ZDHHC20: variants seen among roughly 807,000 people sequenced by gnomAD.
The protein encoded by ZDHHC20 is zDHHC palmitoyltransferase 20, also known as palmitoyltransferase ZDHHC20.
ZDHHC20 carries 43 observed loss-of-function variants against 57.8 expected under a neutral mutation model. The observed-to-expected ratio is 0.74, with a 90% CI of 0.58 to 0.96. The LOEUF (loss-of-function observed/expected upper bound fraction) is 0.96, where lower values mean the gene tolerates loss of function less well. ZDHHC20 is among the 40% of genes least tolerant of loss of function. ZDHHC20 has a pLI of 0.00. For synonymous variants in ZDHHC20, 157 were observed against 153.0 expected, an observed-to-expected ratio of 1.03 and a Z score of -0.19; for missense variants, 391 against 441.1, an observed-to-expected ratio of 0.89 and a Z score of 1.02.
intron 3 of ZDHHC20, among the ~76,000 whole-genome samples, chr13:21,415,705 GTC>G (rs1879871615): frequency 6.6e-6 from 1 of 152,128 alleles, no homozygotes; most frequent in African/African-American, 2.4e-5. Context: ...GACATGATGT[GTC>G]TCTTACATAT....
chr13:21,450,460 T>C (rs1884336888), intron 1 of ZDHHC20, among the ~76,000 whole-genome samples: 1 of 152,198 alleles, frequency 6.6e-6, no homozygotes, highest in African/African-American at 2.4e-5. Flanking sequence ...AGATCTTTTT[T>C]TTCATTTGAT....
At chr13:21,456,506 A>G (rs924121021) in intron 1 of ZDHHC20, among the ~76,000 whole-genome samples, 5 of 152,250 alleles carry the variant, frequency 3.3e-5, no homozygotes, top group Non-Finnish European at 5.9e-5. Flanking sequence ...AAGTCCTCCT[A>G]TAAAGTAATA....
At chr13:21,457,251 C>T (rs1031028355) in intron 1 of ZDHHC20, among the ~76,000 whole-genome samples, 4 of 152,214 alleles carry the variant, frequency 2.6e-5, no homozygotes, top group African/African-American at 2.4e-5. Context: ...GGAATCTCAA[C>T]ATAAATGCAC....
intron 11 of ZDHHC20, among the ~76,000 whole-genome samples, chr13:21,380,131 C>T (rs549024063): frequency 7.5e-4 from 98 of 130,290 alleles, no homozygotes; most frequent in Non-Finnish European, 1.1e-3. Flanking sequence ...TCCTTTCTTC[C>T]CCGAGATGGA....
intron 1 of ZDHHC20, among the ~76,000 whole-genome samples, chr13:21,444,618 A>C (rs1305875008): frequency 6.6e-6 from 1 of 152,232 alleles, no homozygotes; most frequent in African/African-American, 2.4e-5. Flanking sequence ...ATAAGGATAC[A>C]TCTGAAATAG....
chr13:21,432,712 G>A (rs575353338), intron 1 of ZDHHC20, among the ~76,000 whole-genome samples: 19 of 152,076 alleles, frequency 1.2e-4, no homozygotes, highest in Admixed American at 8.5e-4. Flanking sequence ...CAACTGATCC[G>A]CCTACCATGG....
In ZDHHC20 at chr13:21,375,409, T is replaced by C. The variant is rs886448349; in HGVS notation, c.*1287A>G. On this transcript the variant is annotated 3_prime_UTR_variant, in exon 13 of 13. Coordinates refer to ENST00000400590, the MANE Select transcript of ZDHHC20 (RefSeq NM_001330059.2). ...GTAAATGAGGAGTGACATTTCTACA[T>C]TGTTTATTCTGTACTTTTCCTTGGA... is the stretch of plus-strand genomic sequence containing the variant. 3.2e-6 allele frequency: 1 copy of C among 308,264 alleles called. No individual in the cohort carries two copies. Among genetic ancestry groups the C allele is most frequent in the East Asian group, 1.1e-4 (1 of 9,172 alleles). 19.1% of individuals were successfully genotyped at this position (308,264 alleles called of 1,614,324 possible).
chr13:21,375,085 G>A lies in ZDHHC20; in HGVS notation c.*1611C>T. 4 of 454,996 alleles carry A rather than the reference G, an allele frequency of 8.8e-6. No homozygotes were observed. Among genetic ancestry groups the A allele is most frequent in the South Asian group, 6.2e-5 (4 of 64,448 alleles). 28.2% of individuals were successfully genotyped at this position (454,996 alleles called of 1,614,324 possible). A position where few individuals can be genotyped will look rare whatever the true frequency, so the allele number is the denominator to read the frequency against. The stretch of plus-strand genomic sequence containing the variant: ...GAAGGCAGAGGTTGCAGCGAGCCAA[G>A]ATCCCGCCACTGCACTCCTGCCTGG... On this transcript the variant is annotated 3_prime_UTR_variant, in exon 13 of 13. Transcript: ENST00000400590.
rs1361886378 is a variant in ZDHHC20, at chr13:21,421,085, T to C, written c.225A>G (p.Thr75=). 9 of 1,612,810 alleles carry C rather than the reference T, an allele frequency of 5.6e-6. No homozygotes were observed. The highest frequency in any genetic ancestry group is 1.3e-5 in the African/African-American group (1 of 74,888). Residue 75 remains threonine (T), a synonymous_variant, in exon 3 of 13, where the codon ACA becomes ACG. Transcript: ENST00000400590. ...CCTCTTTGGAGGGGGAAGCGGGAGA[T>C]GTGAAAATTGTCATCCAATAGGACC... ...FVWSYWMTIF[T]SPASPSKEFY... is the part of the protein sequence containing the mutation.
At chr13:21,419,202 A>G (rs1880361213) in intron 3 of ZDHHC20, among the ~76,000 whole-genome samples, 1 of 152,236 alleles carries the variant, frequency 6.6e-6, no homozygotes, top group African/African-American at 2.4e-5. Flanking sequence ...CTAATTAGTA[A>G]CAAATGCCTG....
rs139631419 is a variant in ZDHHC20, at chr13:21,412,126, G to A, written c.370+1526C>T. On this transcript the variant is annotated intron_variant, in intron 4 of 12. Coordinates refer to ENST00000400590, the MANE Select transcript of ZDHHC20 (RefSeq NM_001330059.2). The stretch of plus-strand genomic sequence containing the variant: ...CCTCTGAAACAACAGGAAGGGTGCT[G>A]CATCCCAGGGTGCAGCTAGATTGCA... 2.8e-3 allele frequency among the ~76,000 whole-genome samples: 426 copies of A among 152,296 alleles called. 2 individuals are homozygous for A. Among genetic ancestry groups the A allele is most frequent in the African/African-American group, 1.0e-2 (414 of 41,574 alleles).
chr13:21,409,137 A>G (rs979396376), intron 4 of ZDHHC20, among the ~76,000 whole-genome samples: 2 of 152,146 alleles, frequency 1.3e-5, no homozygotes, highest in Non-Finnish European at 2.9e-5. Context: ...TGAGTTAGGG[A>G]GGAGTCCCCC....
In ZDHHC20 at chr13:21,375,107, C is replaced by T. The variant is rs1265205496; in HGVS notation, c.*1589G>A. ...CAAGATCCCGCCACTGCACTCCTGC[C>T]TGGGAGACAGAGCAAAACTCTGTGG... On this transcript the variant is annotated 3_prime_UTR_variant, in exon 13 of 13. Coordinates refer to ENST00000400590, the MANE Select transcript of ZDHHC20 (RefSeq NM_001330059.2). The T allele has an allele frequency of 2.2e-6, 1 of 455,844 alleles. No individual in the cohort carries two copies. The highest frequency in any genetic ancestry group is 7.0e-5 in the East Asian group (1 of 14,380). 28.2% of individuals were successfully genotyped at this position (455,844 alleles called of 1,614,324 possible).
At chr13:21,401,286 TAAAAC>T (rs940200381) in intron 6 of ZDHHC20, among the ~76,000 whole-genome samples, 17 of 151,876 alleles carry the variant, frequency 1.1e-4, no homozygotes, top group African/African-American at 3.9e-4. Flanking sequence ...AAAAATAAAA[TAAAAC>T]AAAACAAACA....
intron 3 of ZDHHC20, among the ~76,000 whole-genome samples, chr13:21,418,839 A>G (rs1223184162): frequency 6.6e-6 from 1 of 152,080 alleles, no homozygotes; most frequent in Non-Finnish European, 1.5e-5. Context: ...ATGCCCAGCT[A>G]ATTTTTTTTA....
chr13:21,458,224 C>A (rs1490908841), intron 1 of ZDHHC20, among the ~76,000 whole-genome samples: 3 of 152,174 alleles, frequency 2.0e-5, no homozygotes, highest in Non-Finnish European at 2.9e-5. Context: ...AGGTTAAATC[C>A]TTGAAGTATA....
chr13:21,431,046 A>G (rs892787874), intron 1 of ZDHHC20, among the ~76,000 whole-genome samples: 2 of 152,172 alleles, frequency 1.3e-5, no homozygotes, highest in African/African-American at 4.8e-5. Flanking sequence ...TAGGCATTTG[A>G]GTGATTTCAC....
At chr13:21,404,588 TA>T (rs35846081) in intron 4 of ZDHHC20, among the ~76,000 whole-genome samples, 3 of 151,732 alleles carry the variant, frequency 2.0e-5, no homozygotes, top group South Asian at 2.1e-4. Flanking sequence ...CCGTCTCTAC[TA>T]AAAAAATACA....
intron 6 of ZDHHC20, among the ~76,000 whole-genome samples, chr13:21,401,044 A>G (rs2137793903): frequency 6.6e-6 from 1 of 152,162 alleles, no homozygotes; most frequent in East Asian, 1.9e-4. Flanking sequence ...TTGGGAGGCC[A>G]AGGCGGGTGG....
Sources: allele counts gnomAD v4.1 joint callset (sites outside exome capture counted in the v4.1 genomes callset), GRCh38; gene constraint gnomAD v4.1.1; transcripts MANE v1.5; gene names NCBI Gene and HGNC (gene_info 2026-07-23, HGNC 2026-07-21).